Variants in MAP2K5 observed in about 807,000 individuals in gnomAD.
MAP2K5 encodes the protein mitogen-activated protein kinase kinase 5.
In MAP2K5, 49 loss-of-function variants were observed where a neutral mutation model predicts 83.1. That is an observed-to-expected ratio of 0.59 (90% CI 0.47 to 0.75). The LOEUF is 0.75. MAP2K5 is among the 30% of genes least tolerant of loss of function. The pLI, the probability that MAP2K5 is intolerant of heterozygous loss-of-function variation, is 0.00. For synonymous variants in MAP2K5, 202 were observed against 191.8 expected, an observed-to-expected ratio of 1.05 and a Z score of -0.44; for missense variants, 457 against 557.5, an observed-to-expected ratio of 0.82 and a Z score of 1.82.
At position 67,698,769 on chromosome 15, in the gene MAP2K5, A is replaced by G. The variant is rs934634259; in HGVS notation, c.973-4568A>G. The stretch of plus-strand genomic sequence containing the variant: ...ATTGTCTTTACTCGGAATAAAACAC[A>G]TACACATTGCATGATCCAACTCAAT... On this transcript the variant is annotated intron_variant, in intron 15 of 21. Coordinates refer to ENST00000178640, the MANE Select transcript of MAP2K5 (RefSeq NM_145160.3). This position sits in a 1 kb window ranked among gnomAD's most constrained non-coding sequence, Gnocchi z 4.5. Among the ~76,000 whole-genome samples, 3 of 152,182 alleles carry G rather than the reference A, an allele frequency of 2.0e-5. No individual in the cohort carries two copies. The highest frequency in any genetic ancestry group is 6.5e-5 in the Admixed American group (1 of 15,274).
chr15:67,619,100 A>G (rs1475613043), intron 8 of MAP2K5, among the ~76,000 whole-genome samples: 2 of 152,044 alleles, frequency 1.3e-5, no homozygotes, highest in African/African-American at 2.4e-5. Flanking sequence ...TCAAGCACAC[A>G]TTTCCACCTT....
At chr15:67,630,974 C>T (rs1342244879) in intron 9 of MAP2K5, 47 bp downstream of exon 9, 1 of 1,423,292 alleles carries the variant, frequency 7.0e-7, no homozygotes, top group African/African-American at 1.4e-5. Context: ...TCACCTCTTT[C>T]CTTTCCTCTG....
rs1469337630 is a variant in MAP2K5 at position 67,637,663 on chromosome 15, C to G, written c.585+6736C>G. Among the ~76,000 whole-genome samples, 1 of 152,174 alleles carries G rather than the reference C, an allele frequency of 6.6e-6. No individual in the cohort carries two copies. The highest frequency in any genetic ancestry group is 2.4e-5 in the African/African-American group (1 of 41,434). On this transcript the variant is annotated intron_variant, in intron 9 of 21. Transcript: ENST00000178640. This position sits in a 1 kb window ranked among gnomAD's most constrained non-coding sequence, Gnocchi z 4.5. The stretch of plus-strand genomic sequence containing the variant: ...CCTCGGCAGACCTCTGGAGCTCTCT[C>G]CCTCAGGTCCTCTGCCAGCTCTCTG...
intron 21 of MAP2K5, 131 bp downstream of exon 21, chr15:67,772,883 G>T: frequency 3.3e-6 from 2 of 601,196 alleles, no homozygotes; most frequent in Non-Finnish European, 2.7e-6. Flanking sequence ...ACTTCATTTG[G>T]GTAGATGTTT....
intron 1 of MAP2K5, among the ~76,000 whole-genome samples, chr15:67,545,028 T>C (rs2084364432): frequency 6.6e-6 from 1 of 152,182 alleles, no homozygotes. Flanking sequence ...GGCACCTGTG[T>C]CATCTCTCTT....
At chr15:67,796,693 G>A (rs960676345) in intron 21 of MAP2K5, among the ~76,000 whole-genome samples, 3 of 150,270 alleles carry the variant, frequency 2.0e-5, no homozygotes, top group Non-Finnish European at 4.5e-5. Context: ...GTTTTACATT[G>A]GTTTGGAATC....
Position 67,801,518 on chromosome 15 carries a change from C to T in MAP2K5, c.1243-5128C>T, listed in dbSNP as rs1023544705. ...GCAGCCACAGCTTATGGAGCCATCTCCCCAGAGAGACACCACCAGTAGGCA... is the reference window on the plus strand; with the variant it reads ...GCAGCCACAGCTTATGGAGCCATCTTCCCAGAGAGACACCACCAGTAGGCA... On this transcript the variant is annotated intron_variant, in intron 21 of 21. Transcript: ENST00000178640. This position sits in a 1 kb window ranked among gnomAD's most constrained non-coding sequence, Gnocchi z 4.8. Among the ~76,000 whole-genome samples the T allele has an allele frequency of 6.6e-6, 1 of 152,188 alleles. No individual in the cohort carries two copies. Among genetic ancestry groups the T allele is most frequent in the Admixed American group, 6.5e-5 (1 of 15,280 alleles).
intron 8 of MAP2K5, among the ~76,000 whole-genome samples, chr15:67,602,953 G>A (rs1486372827): frequency 2.0e-5 from 3 of 152,056 alleles, no homozygotes; most frequent in Non-Finnish European, 4.4e-5. Context: ...GACCTGGCCA[G>A]GTTTATTTTT....
chr15:67,705,129 A>G (rs1442752445), intron 16 of MAP2K5, among the ~76,000 whole-genome samples: 1 of 152,202 alleles, frequency 6.6e-6, no homozygotes, highest in African/African-American at 2.4e-5. Context: ...TGTGACTGAG[A>G]CAGTGATAAA....
chr15:67,586,307 T>C (rs1381879459), intron 5 of MAP2K5, among the ~76,000 whole-genome samples: 1 of 152,254 alleles, frequency 6.6e-6, no homozygotes, highest in Non-Finnish European at 1.5e-5. Context: ...TAGAAACATA[T>C]ATCTAGTTAA....
chr15:67,579,387 A>G (rs1221483980), intron 3 of MAP2K5, among the ~76,000 whole-genome samples: 2 of 152,218 alleles, frequency 1.3e-5, no homozygotes, highest in Non-Finnish European at 2.9e-5. Context: ...CTGTTTGAGT[A>G]ATGGCGAGTG....
chr15:67,639,274 C>T (rs2086663598), intron 9 of MAP2K5, among the ~76,000 whole-genome samples: 1 of 152,190 alleles, frequency 6.6e-6, no homozygotes, highest in Admixed American at 6.5e-5. Flanking sequence ...CACTCTAATC[C>T]AGATGCTTGG....
At chr15:67,803,919 C>G (rs2090750174) in intron 21 of MAP2K5, among the ~76,000 whole-genome samples, 1 of 152,216 alleles carries the variant, frequency 6.6e-6, no homozygotes, top group Non-Finnish European at 1.5e-5. Context: ...AGTCCCATGT[C>G]TGGGAGCTCA....
At chr15:67,592,681 T>C (rs1405158071) in intron 6 of MAP2K5, among the ~76,000 whole-genome samples, 1 of 152,234 alleles carries the variant, frequency 6.6e-6, no homozygotes, top group Non-Finnish European at 1.5e-5. Flanking sequence ...TCATAAGATA[T>C]TGTAGCTTCA....
chr15:67,668,006 A>G lies in MAP2K5; in HGVS notation c.847+3361A>G, dbSNP rs1028266675. ...AGTCTGGTAAAAGTTAGTTTATTTG[A>G]TAGTATATTATGTTAACTGGAAATT... On this transcript the variant is annotated intron_variant, in intron 13 of 21. Coordinates refer to ENST00000178640, the MANE Select transcript of MAP2K5 (RefSeq NM_145160.3). This position sits in a 1 kb window ranked among gnomAD's most constrained non-coding sequence, Gnocchi z 4.0. Among the ~76,000 whole-genome samples, 1 of 152,196 alleles carries G rather than the reference A, an allele frequency of 6.6e-6. No homozygotes were observed. The highest frequency in any genetic ancestry group is 1.5e-5 in the Non-Finnish European group (1 of 68,026).
At chr15:67,754,026 A>G (rs547627367) in intron 19 of MAP2K5, among the ~76,000 whole-genome samples, 5 of 152,350 alleles carry the variant, frequency 3.3e-5, no homozygotes, top group Non-Finnish European at 5.9e-5. Flanking sequence ...CCTTGAAAAC[A>G]TGCTAAATGA....
At chr15:67,595,927 A>G (rs1162357326) in intron 7 of MAP2K5, among the ~76,000 whole-genome samples, 2 of 151,532 alleles carry the variant, frequency 1.3e-5, no homozygotes, top group Admixed American at 6.6e-5. Context: ...GTGCACAGTT[A>G]CTCCAAAGAT....
chr15:67,753,917 G>A (rs183218148), intron 19 of MAP2K5, among the ~76,000 whole-genome samples: 4 of 152,288 alleles, frequency 2.6e-5, no homozygotes, highest in South Asian at 4.1e-4. Context: ...CATTCATAGC[G>A]GCATTATTCA....
intron 19 of MAP2K5, among the ~76,000 whole-genome samples, chr15:67,759,715 C>G (rs2089913445): frequency 6.6e-6 from 1 of 152,182 alleles, no homozygotes; most frequent in African/African-American, 2.4e-5. Context: ...TTCCCAGCAT[C>G]CCAAGGATGG....
Sources: allele counts gnomAD v4.1 joint callset (sites outside exome capture counted in the v4.1 genomes callset), GRCh38; gene constraint gnomAD v4.1.1; non-coding constraint Gnocchi (gnomAD v3.1); transcripts MANE v1.5; gene names NCBI Gene and HGNC (gene_info 2026-07-23, HGNC 2026-07-21).